PIEZO2: variants seen among roughly 807,000 people sequenced by gnomAD.
PIEZO2 encodes piezo type mechanosensitive ion channel component 2.
In PIEZO2, 172 loss-of-function variants were observed where a neutral mutation model predicts 337.3. The ratio of observed to expected loss-of-function variants is 0.51; its 90% CI spans 0.45 to 0.58. The LOEUF (loss-of-function observed/expected upper bound fraction) is 0.58. Among genes scored for constraint, PIEZO2 ranks in the 20% least tolerant of loss-of-function variants. The pLI, the probability that PIEZO2 is intolerant of heterozygous loss-of-function variation, is 0.00. For synonymous variants in PIEZO2, 1,251 were observed against 1,228.5 expected (o/e 1.02, Z -0.38); for missense variants, 3,028 against 3,391.3 (o/e 0.89, Z 2.66).
chr18:10,681,894 T>C (rs564732602), intron 50 of PIEZO2, 141 bp from the exon 51 acceptor site: 2 of 861,222 alleles, frequency 2.3e-6, no homozygotes, highest in Non-Finnish European at 3.6e-6. Flanking sequence ...CCGAGATCTC[T>C]TTTTGGAGTG....
chr18:10,741,600 C>A (rs1941543), intron 32 of PIEZO2, among the ~76,000 whole-genome samples: 96,328 of 152,020 alleles, frequency 0.63, 32,561 homozygotes, highest in African/African-American at 0.88. Flanking sequence ...TTATTTCTCC[C>A]TTCCATTCAC....
intron 1 of PIEZO2, among the ~76,000 whole-genome samples, chr18:11,118,267 C>G (rs1332121565): frequency 6.6e-6 from 1 of 152,236 alleles, no homozygotes; most frequent in African/African-American, 2.4e-5. Flanking sequence ...TCCACACAAT[C>G]TGCCTCTCCA....
In PIEZO2 at chr18:10,943,657, T is replaced by C. The variant is rs998434859; in HGVS notation, c.287-32429A>G. On this transcript the variant is annotated intron_variant, in intron 3 of 55. Transcript: ENST00000674853. The surrounding 1 kb of genome is among the most constrained non-coding windows in gnomAD (Gnocchi z 4.5). Reference sequence around the variant, plus strand: ...GGATAATACTTTGCACTGTGGACTTTTGAGTTAATGATGAAATGAGTTGAG... The same window carrying C: ...GGATAATACTTTGCACTGTGGACTTCTGAGTTAATGATGAAATGAGTTGAG... Among the ~76,000 whole-genome samples, 8 of 152,154 alleles carry C rather than the reference T, an allele frequency of 5.3e-5. No homozygotes were observed. Among genetic ancestry groups the C allele is most frequent in the African/African-American group, 1.9e-4 (8 of 41,434 alleles).
rs1171975862 is a variant in PIEZO2 at position 11,078,158 on chromosome 18, CAT to C, written c.65-11938_65-11937del. Among the ~76,000 whole-genome samples the C allele has an allele frequency of 3.3e-5, 5 of 151,400 alleles. No individual in the cohort carries two copies. The highest frequency in any genetic ancestry group is 1.9e-4 in the East Asian group (1 of 5,156). Reference sequence around the variant, plus strand: ...TACACACACACTCACCACACACACACATACACACACCACACACACATACACAC... The same window carrying C: ...TACACACACACTCACCACACACACACACACACACCACACACACATACACAC... On this transcript the variant is annotated intron_variant, in intron 1 of 55. Transcript: ENST00000674853. This position sits in a 1 kb window ranked among gnomAD's most constrained non-coding sequence, Gnocchi z 5.3.
At chr18:10,788,423 A>AGAGAAAGG (rs2039297636) in intron 15 of PIEZO2, among the ~76,000 whole-genome samples, 1 of 123,312 alleles carries the variant, frequency 8.1e-6, no homozygotes, top group Non-Finnish European at 1.8e-5. Context: ...AAAAAAAAAG[A>AGAGAAAGG]AAGAAAGGAA....
intron 17 of PIEZO2, among the ~76,000 whole-genome samples, chr18:10,782,766 G>A (rs780285341): frequency 2.0e-5 from 3 of 151,770 alleles, no homozygotes; most frequent in East Asian, 1.9e-4. Flanking sequence ...GCTGTGAAGC[G>A]GCAGCTGAGG....
intron 39 of PIEZO2, 68 bp downstream of exon 39, chr18:10,714,696 T>C (rs965994997): frequency 4.7e-6 from 7 of 1,490,408 alleles, no homozygotes; most frequent in Non-Finnish European, 5.4e-6. Flanking sequence ...CATTCATTTC[T>C]TATATTTGAT....
intron 3 of PIEZO2, among the ~76,000 whole-genome samples, chr18:10,934,020 A>G (rs2032234753): frequency 6.6e-6 from 1 of 152,246 alleles, no homozygotes; most frequent in Non-Finnish European, 1.5e-5. Context: ...AGTCCAGGGT[A>G]AGTCTTTATT....
At chr18:10,755,344 T>A (rs953871587) in intron 27 of PIEZO2, among the ~76,000 whole-genome samples, 1 of 152,106 alleles carries the variant, frequency 6.6e-6, no homozygotes, top group Non-Finnish European at 1.5e-5. Context: ...TATGGCTCAA[T>A]AGGGCAGACA....
chr18:10,962,334 C>T lies in PIEZO2; in HGVS notation c.286+17201G>A, dbSNP rs757030563. 6.6e-6 allele frequency among the ~76,000 whole-genome samples: 1 copy of T among 152,238 alleles called. No homozygotes were observed. The highest frequency in any genetic ancestry group is 1.9e-4 in the East Asian group (1 of 5,160). On this transcript the variant is annotated intron_variant, in intron 3 of 55. Coordinates refer to ENST00000674853, the MANE Select transcript of PIEZO2 (RefSeq NM_001378183.1). The surrounding 1 kb of genome is among the most constrained non-coding windows in gnomAD (Gnocchi z 4.1). ...GCAGCTTTTCCTGGTCACTCACGGC[C>T]CTCCCTCGGCTCCCCACAGCCTCAT...
chr18:10,996,871 C>T (rs1375433532), intron 2 of PIEZO2, among the ~76,000 whole-genome samples: 1 of 152,106 alleles, frequency 6.6e-6, no homozygotes, highest in African/African-American at 2.4e-5. Context: ...GCTTTGAAGG[C>T]CTCTAACTCT....
chr18:10,935,355 G>A (rs2032332620), intron 3 of PIEZO2, among the ~76,000 whole-genome samples: 1 of 152,218 alleles, frequency 6.6e-6, no homozygotes, highest in Admixed American at 6.5e-5. Flanking sequence ...CTGCCCAGAA[G>A]AGCAGTTAGG....
chr18:10,718,800 C>T (rs1235573686), intron 36 of PIEZO2, among the ~76,000 whole-genome samples: 1 of 151,784 alleles, frequency 6.6e-6, no homozygotes, highest in East Asian at 1.9e-4. Flanking sequence ...TAGCTTGAGC[C>T]CAGGAGTTTG....
At chr18:10,684,062 CT>C (rs2034399242) in intron 49 of PIEZO2, among the ~76,000 whole-genome samples, 6 of 148,744 alleles carry the variant, frequency 4.0e-5, no homozygotes, top group Admixed American at 6.7e-5. Context: ...CCCTCCCTCC[CT>C]TCCTTCCTTC....
chr18:11,129,240 CCA>C lies in PIEZO2; in HGVS notation c.64+19283_64+19284del, dbSNP rs1488998712. 6.6e-6 allele frequency among the ~76,000 whole-genome samples: 1 copy of C among 152,080 alleles called. No individual in the cohort carries two copies. The highest frequency in any genetic ancestry group is 1.5e-5 in the Non-Finnish European group (1 of 68,022). ...GAGGGCAGCACCTGCATCTTTGGAA[CCA>C]CAGTCACTCAACTACAAAACTTAAA... is the stretch of plus-strand genomic sequence containing the variant. On this transcript the variant is annotated intron_variant, in intron 1 of 55. Coordinates refer to ENST00000674853, the MANE Select transcript of PIEZO2 (RefSeq NM_001378183.1). This position sits in a 1 kb window ranked among gnomAD's most constrained non-coding sequence, Gnocchi z 4.6.
intron 7 of PIEZO2, among the ~76,000 whole-genome samples, chr18:10,835,208 GTA>G (rs1212796653): frequency 2.6e-5 from 4 of 151,706 alleles, no homozygotes; most frequent in African/African-American, 9.7e-5. Flanking sequence ...CCAACCTACA[GTA>G]TATTATTATA....
chr18:10,680,190 A>G lies in PIEZO2; in HGVS notation c.7952+9T>C, dbSNP rs1434465995. ...AGGGATAAATTATACATGGAAATAC[A>G]GTAACTACCTCTGAATACTCCATGA... On this transcript the variant is annotated intron_variant, in intron 52 of 55. Coordinates refer to ENST00000674853, the MANE Select transcript of PIEZO2 (RefSeq NM_001378183.1). The G allele has an allele frequency of 1.9e-6, 3 of 1,601,980 alleles. No individual in the cohort carries two copies. The highest frequency in any genetic ancestry group is 2.7e-5 in the African/African-American group (2 of 74,518).
At chr18:10,779,698 C>A (rs1417046475) in intron 18 of PIEZO2, among the ~76,000 whole-genome samples, 1 of 152,156 alleles carries the variant, frequency 6.6e-6, no homozygotes, top group Non-Finnish European at 1.5e-5. Context: ...TGACTACTTT[C>A]TTTTCATTTA....
At chr18:10,704,276 T>C (rs2143769310) in intron 42 of PIEZO2, 118 bp downstream of exon 42, 1 of 1,313,852 alleles carries the variant, frequency 7.6e-7, no homozygotes, top group African/African-American at 1.5e-5. Flanking sequence ...GCATGTTCCA[T>C]GTGAAACTGT....
Sources: gnomAD v4.1 joint callset for allele counts (sites outside exome capture counted in the v4.1 genomes callset) on GRCh38, gnomAD v4.1.1 for gene constraint, Gnocchi (gnomAD v3.1) non-coding constraint, MANE v1.5 for transcripts, NCBI Gene and HGNC (gene_info 2026-07-23, HGNC 2026-07-21) for gene names.